The following PDE1A variants were observed in gnomAD, a reference collection of about 807,000 sequenced individuals.
PDE1A encodes phosphodiesterase 1A.
Under a neutral mutation model 61.7 loss-of-function variants are expected in PDE1A, and 35 were observed. The observed-to-expected ratio is 0.57, with a 90% CI of 0.43 to 0.75. The LOEUF is 0.75. Ranked by LOEUF, PDE1A falls within the 30% of genes least tolerant of loss-of-function variation. The pLI is 0.00. For missense variants in PDE1A, 597 were observed against 630.6 expected, an observed-to-expected ratio of 0.95 and a Z score of 0.57; for synonymous variants, 232 against 213.2, an observed-to-expected ratio of 1.09 and a Z score of -0.77.
At chr2:182,288,721 C>T (rs1258963592) in intron 1 of PDE1A, among the ~76,000 whole-genome samples, 1 of 151,978 alleles carries the variant, frequency 6.6e-6, no homozygotes, top group African/African-American at 2.4e-5. Context: ...AAAGGAGCTG[C>T]CAAACCTGCT....
intron 1 of PDE1A, among the ~76,000 whole-genome samples, chr2:182,368,472 T>C (rs1373207996): frequency 6.6e-6 from 1 of 152,038 alleles, no homozygotes; most frequent in Non-Finnish European, 1.5e-5. Context: ...ACTTGTCCTA[T>C]AGAATGTCTA....
intron 1 of PDE1A, among the ~76,000 whole-genome samples, chr2:182,350,344 A>C (rs1698798465): frequency 6.6e-6 from 1 of 152,196 alleles, no homozygotes; most frequent in African/African-American, 2.4e-5. Context: ...ATGGCTTTAG[A>C]TGAATGTATG....
At chr2:182,657,879 A>G in the PDE1A span, among the ~76,000 whole-genome samples, 3 of 151,976 alleles carry the variant, frequency 2.0e-5, no homozygotes, top group Non-Finnish European at 4.4e-5. Context: ...TGTATCAGAT[A>G]GAGACCATTT....
intron 4 of PDE1A, among the ~76,000 whole-genome samples, chr2:182,231,421 T>C (rs1012428142): frequency 6.6e-6 from 1 of 152,196 alleles, no homozygotes; most frequent in Admixed American, 6.5e-5. Flanking sequence ...TTAATCTCTC[T>C]CCAACTTCCT....
chr2:182,705,132 C>T, the PDE1A span, among the ~76,000 whole-genome samples: 1 of 152,142 alleles, frequency 6.6e-6, no homozygotes, highest in Non-Finnish European at 1.5e-5. Context: ...TGAAAACCTC[C>T]AGGTGTCCTG....
chr2:182,625,592 T>G, the PDE1A span, among the ~76,000 whole-genome samples: 1 of 152,202 alleles, frequency 6.6e-6, no homozygotes, highest in Non-Finnish European at 1.5e-5. Flanking sequence ...CTTGGCTGAA[T>G]GGATGGATAC....
chr2:182,249,738 C>A (rs5004861), intron 2 of PDE1A, among the ~76,000 whole-genome samples: 106,535 of 148,718 alleles, frequency 0.72, 38,801 homozygotes, highest in African/African-American at 0.85. Flanking sequence ...CCAACCCCCC[C>A]CCCAAAAAAA....
intron 1 of PDE1A, among the ~76,000 whole-genome samples, chr2:182,392,394 C>T (rs937637765): frequency 3.3e-5 from 5 of 152,158 alleles, no homozygotes; most frequent in African/African-American, 7.2e-5. Flanking sequence ...CCTCCCACCA[C>T]GTCCCTCCCA....
intron 1 of PDE1A, among the ~76,000 whole-genome samples, chr2:182,335,796 A>G (rs1166463546): frequency 2.0e-5 from 3 of 152,254 alleles, no homozygotes; most frequent in African/African-American, 7.2e-5. Context: ...GAGCTGCTGC[A>G]TAGCAAAAGA....
the PDE1A span, among the ~76,000 whole-genome samples, chr2:182,564,299 CT>C: frequency 1.3e-5 from 2 of 152,126 alleles, no homozygotes; most frequent in African/African-American, 2.4e-5. Flanking sequence ...TATTTTATTT[CT>C]CCTTCACTTA....
chr2:182,208,234 G>C (rs1432804405), intron 7 of PDE1A, among the ~76,000 whole-genome samples: 1 of 152,134 alleles, frequency 6.6e-6, no homozygotes, highest in Admixed American at 6.5e-5. Flanking sequence ...ATTTATAAAG[G>C]AAAGAGGTTT....
the PDE1A span, among the ~76,000 whole-genome samples, chr2:182,661,516 C>G: frequency 6.6e-6 from 1 of 152,110 alleles, no homozygotes; most frequent in Non-Finnish European, 1.5e-5. Flanking sequence ...AAAGCAGAAA[C>G]AGAGTAACCC....
intron 1 of PDE1A, among the ~76,000 whole-genome samples, chr2:182,377,422 T>C (rs1700476951): frequency 6.6e-6 from 1 of 152,200 alleles, no homozygotes; most frequent in Admixed American, 6.5e-5. Flanking sequence ...AGAGCGATGC[T>C]TCCTGTACAG....
chr2:182,518,575 G>A (rs181531789), intron 2 of PDE1A, among the ~76,000 whole-genome samples: 16 of 152,146 alleles, frequency 1.1e-4, no homozygotes, highest in East Asian at 1.9e-4. Flanking sequence ...GTGTCGAGAC[G>A]TGTAAAATTA....
intron 2 of PDE1A, among the ~76,000 whole-genome samples, chr2:182,495,372 C>A (rs558417205): frequency 6.6e-6 from 1 of 152,124 alleles, no homozygotes; most frequent in Non-Finnish European, 1.5e-5. Context: ...ACTTAGCTAT[C>A]CTCTATGGGT....
At chr2:182,330,130 G>T (rs1223801255) in intron 1 of PDE1A, among the ~76,000 whole-genome samples, 1 of 151,856 alleles carries the variant, frequency 6.6e-6, no homozygotes, top group Non-Finnish European at 1.5e-5. Context: ...GATCACCTGA[G>T]GTCAGGAGTT....
chr2:182,335,905 T>A (rs1001365844), intron 1 of PDE1A, among the ~76,000 whole-genome samples: 8 of 152,044 alleles, frequency 5.3e-5, no homozygotes, highest in Admixed American at 4.6e-4. Flanking sequence ...TACAAGGAAC[T>A]TAAACAAATT....
the PDE1A span, among the ~76,000 whole-genome samples, chr2:182,714,725 A>G: frequency 6.6e-6 from 1 of 151,742 alleles, no homozygotes; most frequent in African/African-American, 2.4e-5. Flanking sequence ...TGCCCGGCTT[A>G]TTTTTGTATT....
At chr2:182,300,420 G>A (rs1222865151) in intron 1 of PDE1A, among the ~76,000 whole-genome samples, 1 of 152,116 alleles carries the variant, frequency 6.6e-6, no homozygotes, top group African/African-American at 2.4e-5. Flanking sequence ...GGAGTTCAAA[G>A]CTCTGTACTA....
Sources: gnomAD v4.1 joint callset for allele counts (sites outside exome capture counted in the v4.1 genomes callset) on GRCh38, gnomAD v4.1.1 for gene constraint, MANE v1.5 for transcripts, NCBI Gene and HGNC (gene_info 2026-07-23, HGNC 2026-07-21) for gene names.